Variants in LRFN5 observed in about 807,000 individuals in gnomAD.
LRFN5 encodes leucine rich repeat and fibronectin type III domain containing 5.
In LRFN5, 24 loss-of-function variants were observed where a neutral mutation model predicts 45.6. The ratio of observed to expected loss-of-function variants is 0.53; its 90% CI spans 0.38 to 0.74. The LOEUF (loss-of-function observed/expected upper bound fraction) is 0.74, where lower values mean the gene tolerates loss of function less well. Among genes scored for constraint, LRFN5 ranks in the 30% least tolerant of loss-of-function variants. The pLI is 0.00. For missense variants in LRFN5, 776 were observed against 861.5 expected (o/e 0.90, Z 1.24); for synonymous variants, 340 against 313.8 (o/e 1.08, Z -0.88).
chr14:41,707,930 A>T (rs1005069089), intron 1 of LRFN5, among the ~76,000 whole-genome samples: 1 of 152,100 alleles, frequency 6.6e-6, no homozygotes, highest in African/African-American at 2.4e-5. Context: ...TGACCTAATT[A>T]AAAGATGTTC....
At chr14:41,853,537 AT>A (rs1889346691) in intron 2 of LRFN5, among the ~76,000 whole-genome samples, 1 of 152,030 alleles carries the variant, frequency 6.6e-6, no homozygotes. Context: ...GATGGGGAAA[AT>A]AAGGTTGTAG....
At chr14:41,805,105 T>A (rs913498241) in intron 2 of LRFN5, among the ~76,000 whole-genome samples, 15 of 150,974 alleles carry the variant, frequency 9.9e-5, no homozygotes, top group African/African-American at 3.5e-4. Flanking sequence ...AAGTAATAAA[T>A]AGCATCTGTA....
At chr14:41,674,284 A>G (rs1279473800) in intron 1 of LRFN5, among the ~76,000 whole-genome samples, 1 of 120,772 alleles carries the variant, frequency 8.3e-6, no homozygotes, top group Non-Finnish European at 1.7e-5. Flanking sequence ...GGCCGGGCAG[A>G]GGCGTCCCTC....
intron 1 of LRFN5, among the ~76,000 whole-genome samples, chr14:41,748,408 C>T (rs1594671324): frequency 1.3e-5 from 2 of 151,940 alleles, no homozygotes; most frequent in East Asian, 3.9e-4. Flanking sequence ...ATAAAATATG[C>T]CAATTACAAA....
At chr14:41,723,183 T>C (rs923300848) in intron 1 of LRFN5, among the ~76,000 whole-genome samples, 9 of 152,248 alleles carry the variant, frequency 5.9e-5, no homozygotes, top group African/African-American at 1.9e-4. Flanking sequence ...AAGCGGATAC[T>C]CCTAATGCCT....
At chr14:41,701,972 G>GTAGT (rs905321447) in intron 1 of LRFN5, among the ~76,000 whole-genome samples, 4 of 152,082 alleles carry the variant, frequency 2.6e-5, no homozygotes, top group Non-Finnish European at 5.9e-5. Context: ...GCACTGGTAG[G>GTAGT]TAGTGCTTTG....
intron 2 of LRFN5, among the ~76,000 whole-genome samples, chr14:41,831,131 G>A (rs1374461570): frequency 6.6e-6 from 1 of 152,084 alleles, no homozygotes; most frequent in Non-Finnish European, 1.5e-5. Flanking sequence ...AGCCCATGTA[G>A]CTGTACCTTA....
chr14:41,808,419 G>C (rs1160122680), intron 2 of LRFN5, among the ~76,000 whole-genome samples: 77 of 117,558 alleles, frequency 6.5e-4, no homozygotes, highest in Non-Finnish European at 9.7e-4. Flanking sequence ...AAGGAAGGAA[G>C]GAAGGAAGGA....
intron 2 of LRFN5, among the ~76,000 whole-genome samples, chr14:41,868,060 A>G (rs1321344705): frequency 1.3e-5 from 2 of 151,914 alleles, no homozygotes; most frequent in African/African-American, 4.8e-5. Flanking sequence ...TTGTTTTTGT[A>G]CTTTTTTCTC....
At chr14:41,787,825 C>T (rs963651568) in intron 2 of LRFN5, among the ~76,000 whole-genome samples, 1 of 151,658 alleles carries the variant, frequency 6.6e-6, no homozygotes, top group Non-Finnish European at 1.5e-5. Flanking sequence ...TTTGTGTCTC[C>T]TCCAAACTCA....
At chr14:41,614,824 TTAA>T (rs1887878219) in intron 1 of LRFN5, among the ~76,000 whole-genome samples, 1 of 152,066 alleles carries the variant, frequency 6.6e-6, no homozygotes, top group African/African-American at 2.4e-5. Context: ...CTGACTGTTA[TTAA>T]CATTATCACC....
intron 2 of LRFN5, among the ~76,000 whole-genome samples, chr14:41,783,481 C>A (rs1886608414): frequency 2.0e-5 from 3 of 152,032 alleles, no homozygotes; most frequent in Admixed American, 2.0e-4. Flanking sequence ...TGTTCTAAGG[C>A]CTGGAATGAC....
At chr14:41,889,402 T>C (rs1320339143) in intron 3 of LRFN5, among the ~76,000 whole-genome samples, 1 of 152,060 alleles carries the variant, frequency 6.6e-6, no homozygotes, top group East Asian at 1.9e-4. Flanking sequence ...TATGGGGACA[T>C]GGACTATGAT....
chr14:41,861,454 A>G (rs1889656566), intron 2 of LRFN5, among the ~76,000 whole-genome samples: 1 of 152,196 alleles, frequency 6.6e-6, no homozygotes, highest in South Asian at 2.1e-4. Flanking sequence ...GCTATCATGT[A>G]TTTTGATGTT....
At chr14:41,856,739 C>T (rs1238053915) in intron 2 of LRFN5, among the ~76,000 whole-genome samples, 6 of 120,334 alleles carry the variant, frequency 5.0e-5, no homozygotes, top group African/African-American at 1.6e-4. Flanking sequence ...TGCTGTGGCG[C>T]GATCTCCGCT....
chr14:41,865,332 A>T (rs900757992), intron 2 of LRFN5, among the ~76,000 whole-genome samples: 3 of 152,114 alleles, frequency 2.0e-5, no homozygotes, highest in Non-Finnish European at 4.4e-5. Flanking sequence ...TATATGCAGT[A>T]TTTTTTGACA....
At chr14:41,854,025 G>T (rs541724924) in intron 2 of LRFN5, among the ~76,000 whole-genome samples, 1 of 152,104 alleles carries the variant, frequency 6.6e-6, no homozygotes, top group Non-Finnish European at 1.5e-5. Context: ...GGCATAAGGG[G>T]CAGGTAAGGT....
chr14:41,691,928 G>A (rs897410368), intron 1 of LRFN5, among the ~76,000 whole-genome samples: 1 of 151,866 alleles, frequency 6.6e-6, no homozygotes, highest in Non-Finnish European at 1.5e-5. Context: ...TCATTGCTAG[G>A]TAATTTTCCA....
intron 4 of LRFN5, among the ~76,000 whole-genome samples, chr14:41,895,167 A>T (rs1027494944): frequency 3.4e-4 from 52 of 152,218 alleles, no homozygotes; most frequent in African/African-American, 1.2e-3. Flanking sequence ...ATTGTCCCCC[A>T]ATTGAAAATA....
Sources: gnomAD v4.1 joint callset for allele counts (sites outside exome capture counted in the v4.1 genomes callset) on GRCh38, gnomAD v4.1.1 for gene constraint, MANE v1.5 for transcripts, NCBI Gene and HGNC (gene_info 2026-07-23, HGNC 2026-07-21) for gene names.